Variants in ALG5 observed in about 807,000 individuals in gnomAD.
ALG5 encodes the protein dolichyl-phosphate beta-glucosyltransferase.
Under a neutral mutation model 51.8 loss-of-function variants are expected in ALG5, and 26 were observed. The observed-to-expected ratio is 0.50, with a 90% CI of 0.37 to 0.70. The LOEUF (loss-of-function observed/expected upper bound fraction) is 0.70, where lower values mean the gene tolerates loss of function less well. ALG5 is among the 30% of genes least tolerant of loss of function. The probability of loss-of-function intolerance (pLI) is 0.00; values close to 1 mark genes in which losing one functional copy is unlikely to be tolerated. For synonymous variants in ALG5, 141 were observed against 136.1 expected (o/e 1.04, Z -0.25); for missense variants, 311 against 399.3 (o/e 0.78, Z 1.88).
intron 8 of ALG5, among the ~76,000 whole-genome samples, chr13:36,963,003 C>T (rs1327298063): frequency 6.6e-6 from 1 of 152,066 alleles, no homozygotes; most frequent in East Asian, 1.9e-4. Flanking sequence ...GGCTAAAGTA[C>T]AGTGGTGCAA....
chr13:36,987,213 T>C (rs1281261530), intron 5 of ALG5, among the ~76,000 whole-genome samples: 2 of 152,200 alleles, frequency 1.3e-5, no homozygotes, highest in Non-Finnish European at 2.9e-5. Flanking sequence ...TTAACATGGC[T>C]CAAACTCAAC....
intron 6 of ALG5, among the ~76,000 whole-genome samples, chr13:36,981,560 C>G (rs1276198355): frequency 1.3e-5 from 2 of 152,216 alleles, no homozygotes; most frequent in African/African-American, 4.8e-5. Context: ...AGAAATCTAA[C>G]AAGTTGAAGT....
intron 8 of ALG5, among the ~76,000 whole-genome samples, chr13:36,965,146 GA>G (rs1340227635): frequency 1.3e-5 from 2 of 152,156 alleles, no homozygotes; most frequent in African/African-American, 4.8e-5. Context: ...CACAAGAGAT[GA>G]AATACATGGA....
intron 4 of ALG5, among the ~76,000 whole-genome samples, chr13:36,991,978 C>T (rs557719864): frequency 1.3e-5 from 2 of 152,272 alleles, no homozygotes; most frequent in South Asian, 2.1e-4. Context: ...TACTCCAGGA[C>T]ATGTAATATT....
At chr13:36,958,551 A>C (rs2058851159) in intron 8 of ALG5, among the ~76,000 whole-genome samples, 1 of 152,142 alleles carries the variant, frequency 6.6e-6, no homozygotes, top group Non-Finnish European at 1.5e-5. Context: ...CTCCAGAGGA[A>C]ATCTCAACTG....
chr13:36,959,686 C>T (rs1445574940), intron 8 of ALG5, among the ~76,000 whole-genome samples: 1 of 152,036 alleles, frequency 6.6e-6, no homozygotes, highest in Non-Finnish European at 1.5e-5. Flanking sequence ...TTCCAGAATT[C>T]TGAGGAAAAA....
intron 8 of ALG5, among the ~76,000 whole-genome samples, chr13:36,962,367 C>T (rs981223907): frequency 1.3e-5 from 2 of 152,196 alleles, no homozygotes; most frequent in Non-Finnish European, 2.9e-5. Context: ...GTATACTGCT[C>T]ATTAAGCTGA....
intron 1 of ALG5, among the ~76,000 whole-genome samples, chr13:36,998,187 G>A (rs971932579): frequency 6.6e-6 from 1 of 151,936 alleles, no homozygotes; most frequent in African/African-American, 2.4e-5. Flanking sequence ...TCCACTCCCC[G>A]CCCGCACCCC....
Position 36,977,891 on chromosome 13 carries a change from AT to A in ALG5, c.562-5856del, listed in dbSNP as rs201741282. 5.1e-3 allele frequency among the ~76,000 whole-genome samples: 649 copies of A among 127,892 alleles called. 6 individuals are homozygous for A. The highest frequency in any genetic ancestry group is 0.039 in the East Asian group (171 of 4,342). The allele number at this position is 127,892 out of a possible 152,430, so 83.9% of individuals were successfully genotyped here. On this transcript the variant is annotated intron_variant, in intron 6 of 9. Transcript: ENST00000239891. Reference sequence around the variant, plus strand: ...TAAATCAATCAAAATCTTTCTCAGTATTTTTTTTTTTTTTTAATGGAATCTC... The same window carrying A: ...TAAATCAATCAAAATCTTTCTCAGTATTTTTTTTTTTTTTAATGGAATCTC...
intron 7 of ALG5, among the ~76,000 whole-genome samples, chr13:36,967,179 C>T (rs2058898149): frequency 1.3e-5 from 2 of 149,290 alleles, no homozygotes; most frequent in Admixed American, 6.7e-5. Context: ...GCCGAGATGG[C>T]GCCACTGTAC....
chr13:36,967,761 C>A lies in ALG5; in HGVS notation c.622-2035G>T, dbSNP rs770347835. ...TCAGTGCCTTCCATACAAAATACTTCCAATAAATACTGGTTGACTGATTAA... is the reference window on the plus strand; with the variant it reads ...TCAGTGCCTTCCATACAAAATACTTACAATAAATACTGGTTGACTGATTAA... On this transcript the variant is annotated intron_variant, in intron 7 of 9. Transcript: ENST00000239891. 67 of 1,166,546 alleles carry A rather than the reference C, an allele frequency of 5.7e-5. No individual in the cohort carries two copies. The South Asian group carries it at 8.4e-4, about 15-fold the overall frequency. The allele number at this position is 1,166,546 out of a possible 1,614,324, so 72.3% of individuals were successfully genotyped here.
At chr13:36,960,648 G>C (rs570186238) in intron 8 of ALG5, among the ~76,000 whole-genome samples, 50 of 151,648 alleles carry the variant, frequency 3.3e-4, no homozygotes, top group African/African-American at 1.2e-3. Flanking sequence ...GAGTAGGTGG[G>C]ACTATGGGCA....
rs562127716 is a variant in ALG5 at position 36,986,342 on chromosome 13, A to T, written c.448-602T>A. On this transcript the variant is annotated intron_variant, in intron 5 of 9. Transcript: ENST00000239891. Reference sequence around the variant, plus strand: ...AGCAAAATTATGCCATTCAATTCTGAATTGGCTGGTCTTTTGTGCAAATTA... The same window carrying T: ...AGCAAAATTATGCCATTCAATTCTGTATTGGCTGGTCTTTTGTGCAAATTA... Among the ~76,000 whole-genome samples, 20 of 152,330 alleles carry T rather than the reference A, an allele frequency of 1.3e-4. No individual in the cohort carries two copies. In the South Asian group the frequency reaches 3.9e-3, roughly 30 times the overall value.
chr13:36,989,733 G>A (rs1032661981), intron 4 of ALG5, among the ~76,000 whole-genome samples, 157 bp from the exon 5 acceptor site: 13 of 152,204 alleles, frequency 8.5e-5, no homozygotes, highest in Non-Finnish European at 1.6e-4. Flanking sequence ...TGGAGGAGCT[G>A]TAGAAATCTT....
At position 36,995,104 on chromosome 13, in the gene ALG5, C is replaced by T. The variant is rs1000982117; in HGVS notation, c.239-69G>A. 8 of 1,375,146 alleles carry T rather than the reference C, an allele frequency of 5.8e-6. No individual in the cohort carries two copies. The African/African-American group carries it at 1.0e-4, about 17-fold the overall frequency. 85.2% of individuals were successfully genotyped at this position (1,375,146 alleles called of 1,614,324 possible). ...TTCCAAGCCCGGCACATTCAGCTTA[C>T]ATACAGAAAAAAGTCCCAATAATCT... On this transcript the variant is annotated intron_variant, in intron 2 of 9. Transcript: ENST00000239891.
chr13:36,976,697 G>A (rs1273008608), intron 6 of ALG5, among the ~76,000 whole-genome samples: 1 of 151,536 alleles, frequency 6.6e-6, no homozygotes, highest in Non-Finnish European at 1.5e-5. Context: ...GCGGTGAGCC[G>A]AGATCGCACC....
chr13:36,985,215 CA>C (rs2058996911), intron 6 of ALG5, among the ~76,000 whole-genome samples: 1 of 151,966 alleles, frequency 6.6e-6, no homozygotes, highest in African/African-American at 2.4e-5. Flanking sequence ...TGTGAAGTTT[CA>C]AATAATCCTT....
intron 6 of ALG5, among the ~76,000 whole-genome samples, chr13:36,979,504 T>C (rs569708405): frequency 4.6e-5 from 7 of 152,292 alleles, no homozygotes; most frequent in Middle Eastern, 6.8e-3. Context: ...AACCAAACCA[T>C]GCACGCAGAT....
At chr13:36,967,428 T>C (rs1291176464) in intron 7 of ALG5, among the ~76,000 whole-genome samples, 1 of 152,116 alleles carries the variant, frequency 6.6e-6, no homozygotes, top group Non-Finnish European at 1.5e-5. Flanking sequence ...TTAAAGAATA[T>C]AGCGAAGTGT....
Sources: allele counts gnomAD v4.1 joint callset (sites outside exome capture counted in the v4.1 genomes callset), GRCh38; gene constraint gnomAD v4.1.1; transcripts MANE v1.5; gene names NCBI Gene and HGNC (gene_info 2026-07-23, HGNC 2026-07-21).